The following SCYL2 variants were observed in gnomAD, a reference collection of about 807,000 sequenced individuals.
SCYL2 encodes SCY1-like protein 2.
In SCYL2, 36 loss-of-function variants were observed where a neutral mutation model predicts 100.4. The ratio of observed to expected loss-of-function variants is 0.36; its 90% CI spans 0.27 to 0.47. The LOEUF (loss-of-function observed/expected upper bound fraction) is 0.47. Among genes scored for constraint, SCYL2 ranks in the 20% least tolerant of loss-of-function variants. SCYL2 has a pLI of 1.00. For missense variants in SCYL2, 902 were observed against 1,083.9 expected (o/e 0.83, Z 2.36); for synonymous variants, 330 against 359.2 (o/e 0.92, Z 0.92).
chr12:100,285,941 G>T (rs771607141), intron 2 of SCYL2, among the ~76,000 whole-genome samples: 1 of 151,662 alleles, frequency 6.6e-6, no homozygotes, highest in Non-Finnish European at 1.5e-5. Flanking sequence ...TTTTATTTTG[G>T]CCAAGCTATA....
In SCYL2 at chr12:100,322,304, C is replaced by T. The variant is rs1338798584; in HGVS notation, c.1396-1221C>T. ...AGGAGAATGGCGTGAACCCGGGAGG[C>T]GGAGCTTGCAGTGAGCCGAGATCGC... On this transcript the variant is annotated intron_variant, in intron 10 of 17. Coordinates refer to ENST00000360820, the MANE Select transcript of SCYL2 (RefSeq NM_017988.6). Among the ~76,000 whole-genome samples, 20 of 129,030 alleles carry T rather than the reference C, an allele frequency of 1.6e-4. No individual in the cohort carries two copies. The Admixed American group carries it at 1.8e-3, about 12-fold the overall frequency. 84.6% of individuals were successfully genotyped at this position (129,030 alleles called of 152,430 possible). A position where few individuals can be genotyped will look rare whatever the true frequency, so the allele number is the denominator to read the frequency against.
chr12:100,298,178 A>G lies in SCYL2; in HGVS notation c.480+3A>G, dbSNP rs1443841753. ...AAACCAAATATGGTTTGCTTCAGGTATGTATTTTTATTCATCATGTAAAAA... is the reference window on the plus strand; with the variant it reads ...AAACCAAATATGGTTTGCTTCAGGTGTGTATTTTTATTCATCATGTAAAAA... On this transcript the variant is annotated splice_donor_region_variant and intron_variant, in intron 4 of 17. Transcript: ENST00000360820. The G allele has an allele frequency of 1.3e-6, 2 of 1,519,302 alleles. No individual in the cohort carries two copies. The highest frequency in any genetic ancestry group is 2.5e-5 in the South Asian group (2 of 79,486). The allele number at this position is 1,519,302 out of a possible 1,614,324, so 94.1% of individuals were successfully genotyped here.
intron 4 of SCYL2, among the ~76,000 whole-genome samples, chr12:100,307,454 A>G (rs2096336029): frequency 6.6e-6 from 1 of 152,194 alleles, no homozygotes; most frequent in African/African-American, 2.4e-5. Flanking sequence ...CAGAAAACTG[A>G]AACTGGACCC....
intron 2 of SCYL2, among the ~76,000 whole-genome samples, chr12:100,289,798 T>C (rs571433364): frequency 1.1e-4 from 17 of 152,326 alleles, no homozygotes; most frequent in African/African-American, 4.1e-4. Context: ...ATGCTGCATG[T>C]TTTTTTCTGT....
At chr12:100,315,440 A>G in intron 8 of SCYL2, 118 bp from the exon 9 acceptor site, 1 of 770,580 alleles carries the variant, frequency 1.3e-6, no homozygotes, top group Non-Finnish European at 1.9e-6. Context: ...AGTTTCAACC[A>G]TAAATTGTAT....
intron 2 of SCYL2, among the ~76,000 whole-genome samples, chr12:100,287,438 C>T (rs1001126009): frequency 2.0e-5 from 3 of 152,270 alleles, no homozygotes; most frequent in East Asian, 1.9e-4. Flanking sequence ...AGATTACAGA[C>T]GTGTGCCGCC....
intron 8 of SCYL2, 128 bp from the exon 9 acceptor site, chr12:100,315,430 A>G: frequency 1.5e-6 from 1 of 675,254 alleles, no homozygotes; most frequent in Non-Finnish European, 2.3e-6. Flanking sequence ...AAAATATACC[A>G]GTTTCAACCA....
Position 100,291,670 on chromosome 12 carries a change from TA to T in SCYL2, c.335+11del. 6.4e-7 allele frequency: 1 copy of T among 1,563,728 alleles called. No individual in the cohort carries two copies. The highest frequency in any genetic ancestry group is 8.6e-7 in the Non-Finnish European group (1 of 1,163,658). ...CTTTAGAAGAATCCAGGTAAATTTTTACAAAAACTTACATAGTAGACTTCCT... is the reference window on the plus strand; with the variant it reads ...CTTTAGAAGAATCCAGGTAAATTTTTCAAAAACTTACATAGTAGACTTCCT... On this transcript the variant is annotated intron_variant, in intron 3 of 17. Transcript: ENST00000360820.
rs539098120 is a variant in SCYL2, at chr12:100,314,283, A to G, written c.970-206A>G. 2.0e-5 allele frequency among the ~76,000 whole-genome samples: 3 copies of G among 152,354 alleles called. No homozygotes were observed. The East Asian group carries it at 5.8e-4, about 29-fold the overall frequency. ...ATAAAAGAAAGTTTTTACCCAGCCA[A>G]TTCACAGGTACAGATTCCAAAGATT... On this transcript the variant is annotated intron_variant, in intron 7 of 17. Transcript: ENST00000360820.
intron 3 of SCYL2, among the ~76,000 whole-genome samples, chr12:100,293,117 C>T (rs570516408): frequency 1.3e-5 from 2 of 151,918 alleles, no homozygotes; most frequent in Admixed American, 1.3e-4. Context: ...TGCCTGGCCT[C>T]TTCTTTTTCT....
At chr12:100,289,899 CTCTG>C (rs2096308613) in intron 2 of SCYL2, among the ~76,000 whole-genome samples, 1 of 152,104 alleles carries the variant, frequency 6.6e-6, no homozygotes, top group African/African-American at 2.4e-5. Flanking sequence ...GTTGTTGAAT[CTCTG>C]TCTTTCAAAG....
chr12:100,328,645 G>C (rs780769535), intron 12 of SCYL2, among the ~76,000 whole-genome samples: 2 of 152,176 alleles, frequency 1.3e-5, no homozygotes, highest in East Asian at 3.8e-4. Context: ...CCAAATGAAG[G>C]CTTTGTGGAT....
chr12:100,298,206 AGTT>A, intron 4 of SCYL2, 31 bp downstream of exon 4: 1 of 1,449,814 alleles, frequency 6.9e-7, no homozygotes, highest in Non-Finnish European at 9.2e-7. Flanking sequence ...TGTAAAAAAG[AGTT>A]GTTTCCTTTA....
intron 10 of SCYL2, among the ~76,000 whole-genome samples, chr12:100,321,385 C>T (rs558864114): frequency 6.6e-6 from 1 of 152,296 alleles, no homozygotes; most frequent in Admixed American, 6.5e-5. Flanking sequence ...CTACAAGGAT[C>T]ATCTCTCATA....
At chr12:100,316,413 T>A (rs902105659) in intron 9 of SCYL2, among the ~76,000 whole-genome samples, 4 of 152,370 alleles carry the variant, frequency 2.6e-5, no homozygotes, top group Admixed American at 1.3e-4. Flanking sequence ...TCCTCATTTC[T>A]AAAATGAAAA....
At chr12:100,334,619 A>G (rs1312616657) in intron 14 of SCYL2, among the ~76,000 whole-genome samples, 1 of 152,078 alleles carries the variant, frequency 6.6e-6, no homozygotes, top group Non-Finnish European at 1.5e-5. Context: ...TTTTAAATTT[A>G]TGAACTTCTA....
intron 1 of SCYL2, 80 bp from the exon 2 acceptor site, chr12:100,282,861 TAC>T: frequency 1.6e-6 from 1 of 630,564 alleles, no homozygotes; most frequent in Non-Finnish European, 2.6e-6. Context: ...TGGGAGATCT[TAC>T]ACTTTTCAAA....
intron 17 of SCYL2, among the ~76,000 whole-genome samples, chr12:100,338,115 A>G (rs771442504): frequency 2.0e-5 from 3 of 152,224 alleles, no homozygotes; most frequent in Admixed American, 2.0e-4. Context: ...TTGTGGGCCA[A>G]GAGGCAAAAC....
rs768089586 is a variant in SCYL2, at chr12:100,338,629, T to A, written c.2247T>A (p.Val749=). Residue 749 remains valine, a synonymous_variant, in exon 18 of 18, where the codon GTT becomes GTA. Coordinates refer to ENST00000360820, the MANE Select transcript of SCYL2 (RefSeq NM_017988.6). ...CTGCTTCAAGTACTTTCACTTCTGT[T>A]CCTTCCATGGGCATTGGTATGATGT... ...KSSASSTFTS[V]PSMGIGMMFS... 6.2e-7 allele frequency: 1 copy of A among 1,614,074 alleles called. No individual in the cohort carries two copies. Among genetic ancestry groups the A allele is most frequent in the Non-Finnish European group, 8.5e-7 (1 of 1,179,950 alleles).
Sources: gnomAD v4.1 joint callset for allele counts (sites outside exome capture counted in the v4.1 genomes callset) on GRCh38, gnomAD v4.1.1 for gene constraint, MANE v1.5 for transcripts, NCBI Gene and HGNC (gene_info 2026-07-23, HGNC 2026-07-21) for gene names.